Variants in RBFOX1 observed in about 807,000 individuals in gnomAD.
RBFOX1 encodes RNA binding fox-1 homolog 1, also known as RNA binding protein fox-1 homolog 1.
In RBFOX1, 8 loss-of-function variants were observed where a neutral mutation model predicts 57.7. The observed-to-expected ratio is 0.14, with a 90% CI of 0.08 to 0.25. RBFOX1 has a LOEUF of 0.25. Ranked by LOEUF, RBFOX1 falls within the 10% of genes least tolerant of loss-of-function variation. RBFOX1 has a pLI of 1.00. For synonymous variants in RBFOX1, 326 were observed against 222.4 expected (o/e 1.47, Z -4.15); for missense variants, 611 against 548.5 (o/e 1.11, Z -1.14).
chr16:5,806,359 T>G (rs1370899134), intron 3 of RBFOX1, among the ~76,000 whole-genome samples: 1 of 152,084 alleles, frequency 6.6e-6, no homozygotes, highest in Non-Finnish European at 1.5e-5. Flanking sequence ...ACATGGTGGA[T>G]GGGGCCAAAA....
chr16:6,524,650 C>T (rs1341919931), intron 2 of RBFOX1, among the ~76,000 whole-genome samples: 1 of 152,170 alleles, frequency 6.6e-6, no homozygotes, highest in Non-Finnish European at 1.5e-5. Context: ...AGACTTCTCT[C>T]ACATTTCTAG....
At chr16:6,913,367 A>G (rs1042321240) in intron 3 of RBFOX1, among the ~76,000 whole-genome samples, 2 of 152,088 alleles carry the variant, frequency 1.3e-5, no homozygotes, top group Non-Finnish European at 2.9e-5. Context: ...TGAGCGTGTT[A>G]GCTCAGGCCA....
intron 4 of RBFOX1, among the ~76,000 whole-genome samples, chr16:7,154,683 CTTTGTGTG>C (rs929812325): frequency 2.3e-5 from 3 of 132,758 alleles, no homozygotes; most frequent in African/African-American, 9.1e-5. Context: ...GACCCTCTTC[CTTTGTGTG>C]TGTGTGTGTG....
chr16:7,593,001 G>C (rs2094521918), intron 7 of RBFOX1, among the ~76,000 whole-genome samples: 1 of 149,396 alleles, frequency 6.7e-6, no homozygotes, highest in Non-Finnish European at 1.5e-5. Context: ...TTTTGGTAGA[G>C]GTGAGGTTTT....
At chr16:7,697,892 T>G (rs1316915598) in intron 14 of RBFOX1, among the ~76,000 whole-genome samples, 2 of 152,206 alleles carry the variant, frequency 1.3e-5, no homozygotes, top group African/African-American at 2.4e-5. Flanking sequence ...TAGCAGTTGT[T>G]CCACTGGAAT....
intron 3 of RBFOX1, among the ~76,000 whole-genome samples, chr16:6,701,466 G>T (rs145221220): frequency 6.6e-6 from 1 of 152,158 alleles, no homozygotes; most frequent in Non-Finnish European, 1.5e-5. Context: ...AAAGAAGAAA[G>T]GTTTATTTGA....
chr16:7,424,744 A>G (rs999431260), intron 4 of RBFOX1, among the ~76,000 whole-genome samples: 2 of 152,220 alleles, frequency 1.3e-5, no homozygotes, highest in African/African-American at 4.8e-5. Flanking sequence ...GGATCATAGT[A>G]TTATCCTAAA....
At chr16:6,360,698 A>C (rs1309580936) in intron 2 of RBFOX1, among the ~76,000 whole-genome samples, 1 of 152,218 alleles carries the variant, frequency 6.6e-6, no homozygotes, top group African/African-American at 2.4e-5. Flanking sequence ...ACAGAAATTC[A>C]TTGACCCATC....
At chr16:5,427,382 C>A (rs1164337392) in intron 1 of RBFOX1, among the ~76,000 whole-genome samples, 3 of 152,106 alleles carry the variant, frequency 2.0e-5, no homozygotes, top group Non-Finnish European at 4.4e-5. Flanking sequence ...GTCAGGAGTT[C>A]AAGACCAGCT....
chr16:5,343,951 A>G (rs575221378), intron 1 of RBFOX1, among the ~76,000 whole-genome samples: 2 of 152,286 alleles, frequency 1.3e-5, no homozygotes, highest in South Asian at 4.1e-4. Flanking sequence ...CGTGGTAAGA[A>G]CGCTTGAGCA....
intron 2 of RBFOX1, among the ~76,000 whole-genome samples, chr16:5,499,765 G>A (rs934911797): frequency 6.6e-6 from 1 of 151,914 alleles, no homozygotes; most frequent in Non-Finnish European, 1.5e-5. Context: ...TAGAAAGGGG[G>A]TTTCACCATG....
chr16:6,842,860 C>A (rs2093559201), intron 3 of RBFOX1, among the ~76,000 whole-genome samples: 1 of 151,978 alleles, frequency 6.6e-6, no homozygotes, highest in Non-Finnish European at 1.5e-5. Flanking sequence ...TGTGATGTTC[C>A]CCTCCCTGTG....
rs2096618188 is a variant in RBFOX1, at chr16:6,528,884, T to C, written c.-63-125719T>C. Among the ~76,000 whole-genome samples the C allele has an allele frequency of 1.3e-5, 2 of 152,182 alleles. 1 individual carries two copies. The highest frequency in any genetic ancestry group is 1.3e-4 in the Admixed American group (2 of 15,282). Reference sequence around the variant, plus strand: ...TCTCCAGGCATTCCCAAATGTCTCCTGGTGGAAGAAATTGGTGTAGGGGCC... The same window carrying C: ...TCTCCAGGCATTCCCAAATGTCTCCCGGTGGAAGAAATTGGTGTAGGGGCC... On this transcript the variant is annotated intron_variant, in intron 2 of 15. Transcript: ENST00000550418.
In RBFOX1 at chr16:5,827,002, C is replaced by T. The variant is rs193094526; in HGVS notation, c.319-40301C>T. ...TTCAATGACATAGTGCTCACCATCT[C>T]CCAGAGAAGCCTATCTCTTCGTTGG... On this transcript the variant is annotated intron_variant, in intron 3 of 19. Coordinates refer to the RBFOX1 transcript ENST00000641259. Among the ~76,000 whole-genome samples the T allele has an allele frequency of 3.9e-3, 589 of 152,276 alleles. 2 individuals are homozygous for T. Among genetic ancestry groups the T allele is most frequent in the Admixed American group, 8.0e-3 (122 of 15,296 alleles).
intron 4 of RBFOX1, among the ~76,000 whole-genome samples, chr16:6,000,997 A>T (rs1596377839): frequency 6.6e-6 from 1 of 151,982 alleles, no homozygotes; most frequent in South Asian, 2.1e-4. Context: ...AGCTGGGTGG[A>T]TTGACGGATG....
At chr16:7,203,560 T>A (rs114836133) in intron 4 of RBFOX1, among the ~76,000 whole-genome samples, 2,578 of 152,364 alleles carry the variant, frequency 0.017, 79 homozygotes, top group African/African-American at 0.058. Context: ...GTGTTACCAC[T>A]GTGAGGAATT....
At chr16:6,531,967 T>G (rs1363325168) in intron 2 of RBFOX1, among the ~76,000 whole-genome samples, 1 of 152,138 alleles carries the variant, frequency 6.6e-6, no homozygotes, top group Non-Finnish European at 1.5e-5. Context: ...TTAGAGGTAG[T>G]TGAAAAAGCA....
chr16:6,743,227 A>C (rs1433495021), intron 3 of RBFOX1, among the ~76,000 whole-genome samples: 1 of 152,180 alleles, frequency 6.6e-6, no homozygotes, highest in Non-Finnish European at 1.5e-5. Flanking sequence ...AATAATAAAA[A>C]TTTTCAATTA....
At position 7,271,620 on chromosome 16, in the gene RBFOX1, G is replaced by C. The variant is rs139915769; in HGVS notation, c.27+219522G>C. Among the ~76,000 whole-genome samples, 537 of 152,232 alleles carry C rather than the reference G, an allele frequency of 3.5e-3. 3 individuals are homozygous for C. Among genetic ancestry groups the C allele is most frequent in the Non-Finnish European group, 5.9e-3 (404 of 68,010 alleles). The stretch of plus-strand genomic sequence containing the variant: ...AAGCAACTTAATACTAAACTTAGAA[G>C]ATACGTGACTACTAACCAAGACCAT... On this transcript the variant is annotated intron_variant, in intron 4 of 15. Transcript: ENST00000550418.
Sources: gnomAD v4.1 joint callset for allele counts (sites outside exome capture counted in the v4.1 genomes callset) on GRCh38, gnomAD v4.1.1 for gene constraint, MANE v1.5 for transcripts, NCBI Gene and HGNC (gene_info 2026-07-23, HGNC 2026-07-21) for gene names.